Variants in CWC27 observed in about 807,000 individuals in gnomAD.
CWC27 encodes the protein spliceosome-associated protein CWC27 homolog.
In CWC27, 47 loss-of-function variants were observed where a neutral mutation model predicts 63.6. The ratio of observed to expected loss-of-function variants is 0.74; its 90% CI spans 0.58 to 0.94. The LOEUF (loss-of-function observed/expected upper bound fraction) is 0.94. Among genes scored for constraint, CWC27 ranks in the 40% least tolerant of loss-of-function variants. CWC27 has a pLI of 0.00. For synonymous variants in CWC27, 175 were observed against 179.8 expected, an observed-to-expected ratio of 0.97 and a Z score of 0.22; for missense variants, 495 against 554.3, an observed-to-expected ratio of 0.89 and a Z score of 1.07.
At chr5:64,882,987 T>G (rs572492226) in intron 10 of CWC27, among the ~76,000 whole-genome samples, 1 of 152,292 alleles carries the variant, frequency 6.6e-6, no homozygotes, top group Admixed American at 6.5e-5. Context: ...TACCCAAGAC[T>G]GGGGTAATTT....
chr5:65,017,672 C>T (rs1330479720), intron 13 of CWC27, among the ~76,000 whole-genome samples: 1 of 152,140 alleles, frequency 6.6e-6, no homozygotes, highest in Admixed American at 6.5e-5. Context: ...GTCATAACAC[C>T]ATTTGAACAT....
chr5:64,955,035 T>C (rs937138104), intron 11 of CWC27, among the ~76,000 whole-genome samples: 1 of 152,118 alleles, frequency 6.6e-6, no homozygotes, highest in African/African-American at 2.4e-5. Flanking sequence ...TAGGATTTAA[T>C]ATAGAGAAAT....
intron 10 of CWC27, among the ~76,000 whole-genome samples, chr5:64,830,592 A>G (rs544883304): frequency 7.3e-4 from 111 of 152,278 alleles, no homozygotes; most frequent in African/African-American, 2.3e-3. Flanking sequence ...TAATTAAACT[A>G]AAGAGCTTCT....
chr5:64,866,217 C>T (rs984985492), intron 10 of CWC27, among the ~76,000 whole-genome samples: 2 of 151,976 alleles, frequency 1.3e-5, no homozygotes, highest in South Asian at 2.1e-4. Flanking sequence ...ATGATTTGAA[C>T]GTATGATTCA....
rs190632520 is a variant in CWC27, at chr5:65,006,953, A to T, written c.1257-11206A>T. Among the ~76,000 whole-genome samples the T allele has an allele frequency of 2.8e-3, 400 of 144,880 alleles. 2 individuals carry two copies. Among genetic ancestry groups the T allele is most frequent in the African/African-American group, 9.8e-3 (383 of 38,898 alleles). On this transcript the variant is annotated intron_variant, in intron 13 of 13. Transcript: ENST00000381070. ...CCAAACCTAAAATACACGTTTATTT[A>T]AAAAGACAGAAAGAAAGAAAGAAAG...
In CWC27 at chr5:64,924,479, A is replaced by T. The variant is rs539328479; in HGVS notation, c.1042+38933A>T. Among the ~76,000 whole-genome samples the T allele has an allele frequency of 9.2e-5, 14 of 152,308 alleles. No homozygotes were observed. The South Asian group carries it at 2.7e-3, about 29-fold the overall frequency. ...AACTCCTTGCAAAGCTATGTAATCT[A>T]CGTCTCTGTTTGCATCTCTGATTCT... On this transcript the variant is annotated intron_variant, in intron 11 of 13. Coordinates refer to ENST00000381070, the MANE Select transcript of CWC27 (RefSeq NM_005869.4).
chr5:64,911,147 T>C (rs761340721), intron 11 of CWC27, among the ~76,000 whole-genome samples: 2 of 152,238 alleles, frequency 1.3e-5, no homozygotes, highest in Admixed American at 6.5e-5. Context: ...AACTTGAGGA[T>C]TGATTCTCAG....
chr5:64,885,635 C>G (rs1747052708), intron 11 of CWC27, 89 bp downstream of exon 11: 2 of 907,470 alleles, frequency 2.2e-6, no homozygotes, highest in African/African-American at 1.7e-5. Context: ...CGTATTCATC[C>G]CTTCCCTTCT....
intron 10 of CWC27, among the ~76,000 whole-genome samples, chr5:64,878,198 T>C (rs989837925): frequency 2.0e-5 from 3 of 151,856 alleles, no homozygotes; most frequent in Admixed American, 6.6e-5. Context: ...AACACATTTC[T>C]TCCCAAGACC....
rs138792608 is a variant in CWC27, at chr5:64,769,166, A to C, written c.20A>C (p.Gln7Pro). 34 of 1,614,028 alleles carry C rather than the reference A, an allele frequency of 2.1e-5. No homozygotes were observed. The African/African-American group carries it at 4.3e-4, about 20-fold the overall frequency. Residue 7 changes from glutamine (Q) to proline (P), a missense_variant, in exon 1 of 14, where the codon CAG becomes CCG. Gln to Pro is a moderately conservative substitution (Grantham distance 76). Transcript: ENST00000381070. ...ACCAAGATGAGCAACATCTACATCC[A>C]GGAGCCTCCCACGAATGGGAAGGTG... MSNIYI[Q>P]EPPTNGKVLL...
chr5:64,830,856 G>A (rs1372954217), intron 10 of CWC27, among the ~76,000 whole-genome samples: 1 of 152,066 alleles, frequency 6.6e-6, no homozygotes, highest in Non-Finnish European at 1.5e-5. Context: ...AGTATTCCAT[G>A]TTGTATATGT....
At chr5:64,946,078 C>G (rs1448319441) in intron 11 of CWC27, among the ~76,000 whole-genome samples, 1 of 152,100 alleles carries the variant, frequency 6.6e-6, no homozygotes, top group Non-Finnish European at 1.5e-5. Context: ...CTTTTCCCAA[C>G]CAGAAGTTAT....
intron 11 of CWC27, among the ~76,000 whole-genome samples, chr5:64,937,009 G>A (rs1748367927): frequency 6.6e-6 from 1 of 151,686 alleles, no homozygotes; most frequent in Non-Finnish European, 1.5e-5. Flanking sequence ...TATTAGTCTG[G>A]CTAGTGGTCT....
At chr5:64,801,440 A>G (rs1163515518) in intron 9 of CWC27, 108 bp downstream of exon 9, 1 of 929,228 alleles carries the variant, frequency 1.1e-6, no homozygotes, top group Non-Finnish European at 1.5e-6. Context: ...TTACTTTTAT[A>G]GTTATATATG....
At chr5:64,956,564 A>T (rs1381898629) in intron 11 of CWC27, among the ~76,000 whole-genome samples, 1 of 152,118 alleles carries the variant, frequency 6.6e-6, no homozygotes, top group African/African-American at 2.4e-5. Flanking sequence ...TCTCTGCATG[A>T]ATTTCCTAAA....
At chr5:64,836,862 T>C (rs1484391851) in intron 10 of CWC27, among the ~76,000 whole-genome samples, 2 of 152,072 alleles carry the variant, frequency 1.3e-5, no homozygotes, top group East Asian at 1.9e-4. Flanking sequence ...GTGCCCATCA[T>C]TGAGTGCTCT....
intron 10 of CWC27, among the ~76,000 whole-genome samples, chr5:64,834,063 A>C (rs1269434657): frequency 6.6e-6 from 1 of 151,342 alleles, no homozygotes. Context: ...GTTTTATGGA[A>C]GCAATCTCAA....
At chr5:64,871,700 G>A (rs190035181) in intron 10 of CWC27, among the ~76,000 whole-genome samples, 1 of 152,100 alleles carries the variant, frequency 6.6e-6, no homozygotes, top group Non-Finnish European at 1.5e-5. Flanking sequence ...TATTGTTCTG[G>A]CTCTAGTTTG....
chr5:64,804,188 A>C, intron 9 of CWC27, 41 bp from the exon 10 acceptor site: 1 of 1,545,232 alleles, frequency 6.5e-7, no homozygotes, highest in South Asian at 1.3e-5. Flanking sequence ...ATGAAAGGGG[A>C]AATTGAGCAC....
Sources: allele counts gnomAD v4.1 joint callset (sites outside exome capture counted in the v4.1 genomes callset), GRCh38; gene constraint gnomAD v4.1.1; transcripts MANE v1.5; gene names NCBI Gene and HGNC (gene_info 2026-07-23, HGNC 2026-07-21).